The following ZFHX3 variants were observed in gnomAD, a reference collection of about 807,000 sequenced individuals.
ZFHX3 encodes zinc finger homeobox 3, also known as zinc finger homeobox protein 3.
In ZFHX3, 42 loss-of-function variants were observed where a neutral mutation model predicts 279.1. The observed-to-expected ratio is 0.15, with a 90% CI of 0.12 to 0.19. The LOEUF (loss-of-function observed/expected upper bound fraction) is 0.19, where lower values mean the gene tolerates loss of function less well. Ranked by LOEUF, ZFHX3 falls within the 10% of genes least tolerant of loss-of-function variation. The probability of loss-of-function intolerance (pLI) is 1.00; values close to 1 mark genes in which losing one functional copy is unlikely to be tolerated. For synonymous variants in ZFHX3, 2,293 were observed against 1,957.8 expected, an observed-to-expected ratio of 1.17 and a Z score of -4.52; for missense variants, 4,981 against 4,754.0, an observed-to-expected ratio of 1.05 and a Z score of -1.40.
intron 5 of ZFHX3, among the ~76,000 whole-genome samples, chr16:73,254,927 C>CCCACCATTCATCCATCCATCCACCCAT (rs531357269): frequency 0.014 from 2,175 of 152,064 alleles, 49 homozygotes; most frequent in African/African-American, 0.05. Flanking sequence ...CATCCACCCA[C>CCCACCATTCATCCATCCATCCACCCAT]CCACCATCCA....
chr16:73,346,097 T>A lies in ZFHX3; in HGVS notation c.-1290-27761A>T, dbSNP rs112378499. Among the ~76,000 whole-genome samples, 163 of 152,272 alleles carry A rather than the reference T, an allele frequency of 1.1e-3. 4 individuals carry two copies. Among genetic ancestry groups the A allele is most frequent in the African/African-American group, 3.7e-3 (152 of 41,564 alleles). On this transcript the variant is annotated intron_variant, in intron 3 of 17. Coordinates refer to the ZFHX3 transcript ENST00000641206. ...CCCAAGGCTCAGCGACCCTGCACCT[T>A]TTGATCAGCCCCTCTCCTGGCTGTG...
At chr16:73,150,014 G>C (rs1305402640) in intron 5 of ZFHX3, among the ~76,000 whole-genome samples, 1 of 152,108 alleles carries the variant, frequency 6.6e-6, no homozygotes, top group Non-Finnish European at 1.5e-5. Context: ...TCTACAGTTT[G>C]ATTCCAGAAT....
chr16:73,438,070 G>A (rs562756236), intron 3 of ZFHX3, among the ~76,000 whole-genome samples: 8 of 151,226 alleles, frequency 5.3e-5, no homozygotes, highest in East Asian at 1.9e-4. Flanking sequence ...TTCTGGGATC[G>A]CTCTAAACCT....
chr16:73,738,753 C>T (rs1197116953), intron 1 of ZFHX3, among the ~76,000 whole-genome samples: 1 of 152,170 alleles, frequency 6.6e-6, no homozygotes, highest in Non-Finnish European at 1.5e-5. Context: ...TCACACGGCT[C>T]CAGTCTTTGG....
Position 73,280,235 on chromosome 16 carries a change from G to A in ZFHX3, c.-1193-23099C>T, listed in dbSNP as rs752869818. ...AACACCAAAAATACCGGCAACAAAA[G>A]CAAAAATAAACAAGTGGGACTCTAT... On this transcript the variant is annotated intron_variant, in intron 4 of 17. Transcript: ENST00000641206. Among the ~76,000 whole-genome samples, 5 of 152,148 alleles carry A rather than the reference G, an allele frequency of 3.3e-5. No homozygotes were observed. The Middle Eastern group carries it at 0.014, about 414-fold the overall frequency.
intron 4 of ZFHX3, among the ~76,000 whole-genome samples, chr16:72,882,782 T>G (rs1391509938): frequency 6.6e-6 from 1 of 152,168 alleles, no homozygotes; most frequent in Non-Finnish European, 1.5e-5. Context: ...GGCTCCTAGA[T>G]AATGGCTCTC....
chr16:73,093,042 T>C (rs1316001719), intron 8 of ZFHX3: 2 of 519,878 alleles, frequency 3.8e-6, no homozygotes, highest in Non-Finnish European at 7.7e-6. Flanking sequence ...CTTTCAAACA[T>C]CTCTCTAACA....
intron 1 of ZFHX3, among the ~76,000 whole-genome samples, chr16:73,838,475 G>C (rs1220923970): frequency 6.6e-6 from 1 of 152,098 alleles, no homozygotes; most frequent in Non-Finnish European, 1.5e-5. Flanking sequence ...AGCTACATGA[G>C]GTTTGAATAA....
intron 1 of ZFHX3, among the ~76,000 whole-genome samples, chr16:73,888,049 C>A (rs1415534712): frequency 6.6e-6 from 1 of 152,126 alleles, no homozygotes; most frequent in Non-Finnish European, 1.5e-5. Context: ...TGCAACGGGG[C>A]CCCTCCTTTC....
exon 1 of ZFHX3, chr16:73,058,696 T>TGGCGGCGGCGGCGGCGGCGGCGGCGGC (rs552488803): frequency 1.2e-5 from 2 of 168,138 alleles, no homozygotes; most frequent in Non-Finnish European, 2.2e-5. Context: ...GACGCGCTGC[T>TGGCGGCGGCGGCGGCGGCGGCGGCGGC]GGCGGCGGCG....
At chr16:73,300,649 G>A (rs928149741) in intron 4 of ZFHX3, among the ~76,000 whole-genome samples, 2 of 152,212 alleles carry the variant, frequency 1.3e-5, no homozygotes, top group East Asian at 1.9e-4. Context: ...GATTACAGGC[G>A]CCTGCCACCA....
chr16:73,077,805 ATT>A (rs764777725), intron 8 of ZFHX3, among the ~76,000 whole-genome samples: 1 of 151,998 alleles, frequency 6.6e-6, no homozygotes, highest in Non-Finnish European at 1.5e-5. Context: ...CAAAGCCATT[ATT>A]TTTCTTTTTT....
chr16:73,395,231 G>A (rs2017103243), intron 3 of ZFHX3, among the ~76,000 whole-genome samples: 2 of 152,160 alleles, frequency 1.3e-5, no homozygotes, highest in African/African-American at 2.4e-5. Context: ...TTGGGAGGCC[G>A]AGGCAGGTGG....
intron 1 of ZFHX3, among the ~76,000 whole-genome samples, chr16:73,706,089 G>C (rs918489820): frequency 3.9e-5 from 6 of 152,152 alleles, no homozygotes; most frequent in African/African-American, 1.4e-4. Context: ...AGGATCGCTT[G>C]AGTCCAGGAG....
At chr16:72,861,056 G>A (rs1267823878) in intron 4 of ZFHX3, among the ~76,000 whole-genome samples, 4 of 151,956 alleles carry the variant, frequency 2.6e-5, no homozygotes, top group Admixed American at 1.3e-4. Flanking sequence ...CTTTTCTCAC[G>A]CACCTTCCCT....
At chr16:73,645,898 C>T (rs147513113) in intron 2 of ZFHX3, among the ~76,000 whole-genome samples, 130 of 152,202 alleles carry the variant, frequency 8.5e-4, no homozygotes, top group African/African-American at 2.2e-3. Flanking sequence ...TGTACAGGGA[C>T]GACCATATCT....
rs200230716 is a variant in ZFHX3 at position 72,957,775 on chromosome 16, C to T, written c.2371G>A (p.Gly791Arg). The T allele has an allele frequency of 1.3e-5, 21 of 1,614,046 alleles. No individual in the cohort carries two copies. The highest frequency in any genetic ancestry group is 6.7e-5 in the Admixed American group (4 of 60,028). The part of the protein sequence containing the change: ...AAAANISSSC[G>R]APSPTKPKTK... ...TTTGGTTTGGTCGGCGAGGGGGCCCCGCAGGAGCTACTGATATTGGCTGCC... is the reference window on the plus strand; with the variant it reads ...TTTGGTTTGGTCGGCGAGGGGGCCCTGCAGGAGCTACTGATATTGGCTGCC... The change falls in exon 2 of 10, where the codon GGG becomes AGG. Residue 791 changes from glycine to arginine, a missense_variant. Coordinates refer to ENST00000268489, the MANE Select transcript of ZFHX3 (RefSeq NM_006885.4).
At chr16:73,477,712 G>A (rs980084178) in intron 2 of ZFHX3, among the ~76,000 whole-genome samples, 1 of 152,176 alleles carries the variant, frequency 6.6e-6, no homozygotes, top group African/African-American at 2.4e-5. Context: ...GAACCTGGCT[G>A]ATCTCACGTG....
At chr16:73,131,253 C>T (rs994476829) in intron 6 of ZFHX3, among the ~76,000 whole-genome samples, 13 of 152,074 alleles carry the variant, frequency 8.5e-5, no homozygotes, top group African/African-American at 3.1e-4. Flanking sequence ...ATAATGAATG[C>T]CTAAATATAA....
Sources: gnomAD v4.1 joint callset for allele counts (sites outside exome capture counted in the v4.1 genomes callset) on GRCh38, gnomAD v4.1.1 for gene constraint, MANE v1.5 for transcripts, NCBI Gene and HGNC (gene_info 2026-07-23, HGNC 2026-07-21) for gene names.